The following SPATS2L variants were observed in gnomAD, a reference collection of about 807,000 sequenced individuals.
The protein encoded by SPATS2L is SPATS2-like protein.
In SPATS2L, 30 loss-of-function variants were observed where a neutral mutation model predicts 59.6. That is an observed-to-expected ratio of 0.50 (90% CI 0.38 to 0.68). SPATS2L has a LOEUF of 0.68. Among genes scored for constraint, SPATS2L ranks in the 30% least tolerant of loss-of-function variants. The probability of loss-of-function intolerance (pLI) is 0.00; values close to 1 mark genes in which losing one functional copy is unlikely to be tolerated. For missense variants in SPATS2L, 615 were observed against 700.0 expected, an observed-to-expected ratio of 0.88 and a Z score of 1.37; for synonymous variants, 252 against 263.5, an observed-to-expected ratio of 0.96 and a Z score of 0.42.
intron 6 of SPATS2L, among the ~76,000 whole-genome samples, chr2:200,432,986 A>G (rs1213262143): frequency 1.3e-5 from 2 of 152,198 alleles, no homozygotes; most frequent in Non-Finnish European, 2.9e-5. Flanking sequence ...AGAGTCTCAG[A>G]AGGAGAGCAA....
At chr2:200,327,100 C>A (rs946310249) in intron 1 of SPATS2L, among the ~76,000 whole-genome samples, 2 of 151,528 alleles carry the variant, frequency 1.3e-5, no homozygotes, top group Non-Finnish European at 2.9e-5. Context: ...ATTTAACCAT[C>A]CTATTAAAAA....
chr2:200,379,863 A>G (rs765155495), intron 2 of SPATS2L, among the ~76,000 whole-genome samples: 11 of 152,170 alleles, frequency 7.2e-5, no homozygotes, highest in Non-Finnish European at 1.2e-4. Context: ...ACTTGAGCTT[A>G]CATCATCGCA....
chr2:200,361,472 G>T (rs2081105552), intron 2 of SPATS2L, among the ~76,000 whole-genome samples: 1 of 152,156 alleles, frequency 6.6e-6, no homozygotes, highest in African/African-American at 2.4e-5. Context: ...AAAAATATCT[G>T]CAGGGAAAGA....
chr2:200,333,852 A>G (rs1013857337), intron 2 of SPATS2L, among the ~76,000 whole-genome samples: 2 of 152,078 alleles, frequency 1.3e-5, no homozygotes, highest in African/African-American at 4.8e-5. Flanking sequence ...TTATGGCTGC[A>G]TAGTATTCCA....
At chr2:200,403,710 G>T (rs1195283298) in intron 3 of SPATS2L, among the ~76,000 whole-genome samples, 1 of 152,134 alleles carries the variant, frequency 6.6e-6, no homozygotes, top group African/African-American at 2.4e-5. Flanking sequence ...AACTATGGAT[G>T]ATTGCTTTGC....
intron 8 of SPATS2L, among the ~76,000 whole-genome samples, chr2:200,446,120 C>T (rs1411068234): frequency 6.6e-6 from 1 of 152,140 alleles, no homozygotes; most frequent in Non-Finnish European, 1.5e-5. Flanking sequence ...AGGAGGATTG[C>T]TTGAGCCCAG....
At chr2:200,438,670 C>T (rs908403279) in intron 6 of SPATS2L, among the ~76,000 whole-genome samples, 19 of 152,240 alleles carry the variant, frequency 1.2e-4, no homozygotes, top group Non-Finnish European at 2.4e-4. Context: ...TTCATTAATT[C>T]GGAATGAAAT....
At chr2:200,336,094 C>T (rs2080133628) in intron 2 of SPATS2L, among the ~76,000 whole-genome samples, 3 of 152,276 alleles carry the variant, frequency 2.0e-5, no homozygotes, top group South Asian at 2.1e-4. Flanking sequence ...AAAGAATTCT[C>T]ATAAGTTGAA....
intron 8 of SPATS2L, among the ~76,000 whole-genome samples, chr2:200,452,337 A>G (rs920778625): frequency 6.6e-6 from 1 of 152,244 alleles, no homozygotes; most frequent in Non-Finnish European, 1.5e-5. Context: ...CTATGGGATT[A>G]TGCTATTCTG....
At chr2:200,378,293 C>G (rs939212229) in intron 2 of SPATS2L, 1 of 1,002,408 alleles carries the variant, frequency 1.0e-6, no homozygotes, top group African/African-American at 1.7e-5. Context: ...GGGAACAGAG[C>G]TTATGTGCCT....
intron 7 of SPATS2L, among the ~76,000 whole-genome samples, chr2:200,439,823 A>G (rs1162004867): frequency 1.3e-5 from 2 of 152,196 alleles, no homozygotes; most frequent in African/African-American, 2.4e-5. Context: ...AGAGGGTTTT[A>G]TATTTGACAC....
At chr2:200,323,282 T>C (rs777194897) in intron 1 of SPATS2L, among the ~76,000 whole-genome samples, 3 of 152,144 alleles carry the variant, frequency 2.0e-5, no homozygotes. Context: ...GACTACTATA[T>C]AGTCAGAGAT....
At position 200,389,300 on chromosome 2, in the gene SPATS2L, CG is replaced by C; in HGVS notation, c.39+18del. ...AAGGAAAAGGTAAGATCAAGTTATACGTTGGCTCACAGAAACTCCAAACTAG... is the reference window on the plus strand; with the variant it reads ...AAGGAAAAGGTAAGATCAAGTTATACTTGGCTCACAGAAACTCCAAACTAG... On this transcript the variant is annotated intron_variant, in intron 3 of 12. Coordinates refer to ENST00000409140, the MANE Select transcript of SPATS2L (RefSeq NM_001100423.2). 1 of 1,554,802 alleles carries C rather than the reference CG, an allele frequency of 6.4e-7. No individual in the cohort carries two copies.
intron 2 of SPATS2L, among the ~76,000 whole-genome samples, chr2:200,357,074 G>T (rs2080940851): frequency 6.6e-6 from 1 of 152,158 alleles, no homozygotes; most frequent in Admixed American, 6.5e-5. Context: ...TACTTTCAAG[G>T]ATCTAGATAA....
intron 2 of SPATS2L, among the ~76,000 whole-genome samples, chr2:200,364,012 A>G (rs967948619): frequency 5.3e-5 from 8 of 152,164 alleles, no homozygotes; most frequent in Non-Finnish European, 8.8e-5. Context: ...AAAAAAACAG[A>G]TATTATGGCT....
intron 2 of SPATS2L, chr2:200,378,085 G>A: frequency 3.6e-6 from 1 of 275,998 alleles, no homozygotes; most frequent in Non-Finnish European, 5.6e-6. Flanking sequence ...ACACTGGGCA[G>A]TTTCACAAAA....
intron 1 of SPATS2L, among the ~76,000 whole-genome samples, chr2:200,322,053 C>G (rs1187607738): frequency 6.6e-6 from 1 of 152,206 alleles, no homozygotes; most frequent in Non-Finnish European, 1.5e-5. Context: ...CAAAATGTCA[C>G]TTGGTGCCAC....
intron 9 of SPATS2L, among the ~76,000 whole-genome samples, chr2:200,461,955 A>G (rs1193269419): frequency 3.3e-5 from 5 of 152,244 alleles, no homozygotes; most frequent in Non-Finnish European, 7.3e-5. Context: ...AAATGAAACT[A>G]ATGTGATCCA....
intron 8 of SPATS2L, among the ~76,000 whole-genome samples, chr2:200,446,427 C>A (rs1224741794): frequency 6.6e-6 from 1 of 152,136 alleles, no homozygotes; most frequent in Non-Finnish European, 1.5e-5. Flanking sequence ...TCTAGGGCCA[C>A]AGCAGTGGTT....
Sources: gnomAD v4.1 joint callset for allele counts (sites outside exome capture counted in the v4.1 genomes callset) on GRCh38, gnomAD v4.1.1 for gene constraint, MANE v1.5 for transcripts, NCBI Gene and HGNC (gene_info 2026-07-23, HGNC 2026-07-21) for gene names.